Variants in UGT1A8 observed in about 807,000 individuals in gnomAD.
UGT1A8 encodes the protein UDP glucuronosyltransferase family 1 member A8.
A neutral mutation model predicts 45.3 loss-of-function variants in UGT1A8; 39 were observed. The ratio of observed to expected loss-of-function variants is 0.86; its 90% CI spans 0.67 to 1.12. The LOEUF is 1.12. UGT1A8 is among the 50% of genes most tolerant of loss of function. The probability of loss-of-function intolerance (pLI) is 0.00; values close to 1 mark genes in which losing one functional copy is unlikely to be tolerated. For synonymous variants in UGT1A8, 275 were observed against 249.2 expected, an observed-to-expected ratio of 1.10 and a Z score of -0.97; for missense variants, 719 against 664.9, an observed-to-expected ratio of 1.08 and a Z score of -0.90.
intron 1 of UGT1A8, among the ~76,000 whole-genome samples, chr2:233,622,344 C>T (rs2073023860): frequency 6.6e-6 from 1 of 152,190 alleles, no homozygotes; most frequent in Non-Finnish European, 1.5e-5. Context: ...TACACTCCCA[C>T]CAACAGGGTA....
At chr2:233,687,080 T>A (rs1476321317) in intron 1 of UGT1A8, among the ~76,000 whole-genome samples, 1 of 152,208 alleles carries the variant, frequency 6.6e-6, no homozygotes, top group African/African-American at 2.4e-5. Context: ...ATTTCATAAG[T>A]ACTTCAGCTG....
rs144217005 is a variant in UGT1A8 at position 233,760,613 on chromosome 2, T to C, written c.856-6421T>C. The C allele has an allele frequency of 1.5e-4, 247 of 1,614,256 alleles. No individual in the cohort carries two copies. In the African/African-American group the frequency reaches 3.0e-3, roughly 20 times the overall value. On this transcript the variant is annotated intron_variant, in intron 1 of 4. Transcript: ENST00000373450. The stretch of plus-strand genomic sequence containing the variant: ...GAGAATGATTCTTTCCTGCAGCGTG[T>C]GATCAAAACATACAAGAAAATAAAA...
intron 1 of UGT1A8, chr2:233,739,179 C>T (rs1480075812): frequency 1.3e-5 from 2 of 152,348 alleles, no homozygotes; most frequent in East Asian, 3.9e-4. Context: ...TAAGGAAATG[C>T]TTGGATGTCC....
intron 1 of UGT1A8, among the ~76,000 whole-genome samples, chr2:233,626,247 A>T (rs1277175660): frequency 6.6e-6 from 1 of 152,034 alleles, no homozygotes; most frequent in African/African-American, 2.4e-5. Context: ...TTGTAATAGA[A>T]GTCAATAGCA....
chr2:233,672,552 A>G (rs2074230567), intron 1 of UGT1A8: 1 of 1,613,814 alleles, frequency 6.2e-7, no homozygotes, highest in African/African-American at 1.3e-5. Context: ...TCAAGGAGAG[A>G]GTACGGAACC....
intron 1 of UGT1A8, among the ~76,000 whole-genome samples, chr2:233,667,721 G>A (rs2074106979): frequency 6.6e-6 from 1 of 152,140 alleles, no homozygotes; most frequent in African/African-American, 2.4e-5. Flanking sequence ...AGTGGGTGAA[G>A]GATATGAACA....
chr2:233,672,209 CT>C (rs781611946), intron 1 of UGT1A8: 10 of 1,614,108 alleles, frequency 6.2e-6, no homozygotes, highest in Non-Finnish European at 8.5e-6. Flanking sequence ...GAGTTCAAGG[CT>C]TTTGCCCATG....
intron 1 of UGT1A8, among the ~76,000 whole-genome samples, chr2:233,668,246 C>T (rs571803758): frequency 3.3e-5 from 5 of 152,230 alleles, no homozygotes; most frequent in East Asian, 3.9e-4. Context: ...CGATATTCCC[C>T]GCCCTGTGTC....
intron 1 of UGT1A8, among the ~76,000 whole-genome samples, chr2:233,724,763 C>T (rs1463546601): frequency 2.8e-5 from 4 of 143,224 alleles, no homozygotes; most frequent in African/African-American, 8.0e-5. Context: ...GATGGGCGGC[C>T]AGGCAGAGAC....
chr2:233,713,135 G>A (rs772419709), intron 1 of UGT1A8: 5 of 1,614,098 alleles, frequency 3.1e-6, no homozygotes, highest in African/African-American at 1.3e-5. Context: ...GGGAGGCCTT[G>A]CGGGACCTCC....
At chr2:233,648,000 G>T in intron 1 of UGT1A8, 9 of 1,606,942 alleles carry the variant, frequency 5.6e-6, no homozygotes, top group Non-Finnish European at 6.8e-6. Flanking sequence ...GGCATGAGGT[G>T]GTTGTAGTCA....
intron 1 of UGT1A8, among the ~76,000 whole-genome samples, chr2:233,739,485 C>T (rs535486258): frequency 1.8e-4 from 27 of 152,374 alleles, no homozygotes; most frequent in African/African-American, 6.3e-4. Context: ...GAGCCCATTT[C>T]TGGCATCACC....
intron 1 of UGT1A8, among the ~76,000 whole-genome samples, chr2:233,734,400 T>G (rs76797219): frequency 6.6e-6 from 1 of 152,204 alleles, no homozygotes; most frequent in South Asian, 2.1e-4. Context: ...TTGCGTCTAT[T>G]TGATTCTTCT....
chr2:233,624,112 C>A lies in UGT1A8; in HGVS notation c.855+5550C>A, dbSNP rs945951690. ...TTATGTTTCTATGGCACATCCATCA[C>A]AACTCATTCACCAATATGACACATT... On this transcript the variant is annotated intron_variant, in intron 1 of 4. Transcript: ENST00000373450. 1.3e-5 allele frequency among the ~76,000 whole-genome samples: 2 copies of A among 152,178 alleles called. 1 individual carries two copies. The highest frequency in any genetic ancestry group is 4.1e-4 in the South Asian group (2 of 4,830).
chr2:233,626,553 G>A (rs1299442610), intron 1 of UGT1A8, among the ~76,000 whole-genome samples: 1 of 151,980 alleles, frequency 6.6e-6, no homozygotes, highest in East Asian at 1.9e-4. Flanking sequence ...GCAACATCTG[G>A]TCACAGTTTT....
intron 1 of UGT1A8, chr2:233,760,872 G>C: frequency 6.2e-7 from 1 of 1,614,112 alleles, no homozygotes; most frequent in Non-Finnish European, 8.5e-7. Context: ...ACGTGCCCAG[G>C]CCTCTCTCCT....
rs554634416 is a variant in UGT1A8 at position 233,627,974 on chromosome 2, TCAAA to T, written c.855+9415_855+9418del. On this transcript the variant is annotated intron_variant, in intron 1 of 4. Coordinates refer to ENST00000373450, the MANE Select transcript of UGT1A8 (RefSeq NM_019076.5). ...GCAATTTATTGGAGAGATGAAATGCTCAAACAGAGAGTATAAATGTTATATCACA... is the reference window on the plus strand; with the variant it reads ...GCAATTTATTGGAGAGATGAAATGCTCAGAGAGTATAAATGTTATATCACA... Among the ~76,000 whole-genome samples, 631 of 152,088 alleles carry T rather than the reference TCAAA, an allele frequency of 4.1e-3. 2 individuals are homozygous for T. The highest frequency in any genetic ancestry group is 6.8e-3 in the Middle Eastern group (2 of 294).
chr2:233,704,701 T>C (rs960587846), intron 1 of UGT1A8, among the ~76,000 whole-genome samples: 4 of 152,232 alleles, frequency 2.6e-5, no homozygotes, highest in Non-Finnish European at 5.9e-5. Flanking sequence ...TGGTATCATT[T>C]CTTAGCCCAA....
At chr2:233,738,036 C>T (rs28899194) in intron 1 of UGT1A8, among the ~76,000 whole-genome samples, 5,195 of 152,206 alleles carry the variant, frequency 0.034, 100 homozygotes, top group African/African-American at 0.051. Context: ...ATAATCCCCA[C>T]GTGTTGAGGA....
Sources: gnomAD v4.1 joint callset for allele counts (sites outside exome capture counted in the v4.1 genomes callset) on GRCh38, gnomAD v4.1.1 for gene constraint, MANE v1.5 for transcripts, NCBI Gene and HGNC (gene_info 2026-07-23, HGNC 2026-07-21) for gene names.